SPOCK3: variants seen among roughly 807,000 people sequenced by gnomAD.
SPOCK3 encodes the protein testican-3.
SPOCK3 carries 30 observed loss-of-function variants against 56.6 expected under a neutral mutation model. The ratio of observed to expected loss-of-function variants is 0.53; its 90% CI spans 0.40 to 0.72. SPOCK3 has a LOEUF of 0.72. Ranked by LOEUF, SPOCK3 falls within the 30% of genes least tolerant of loss-of-function variation. The pLI is 0.00. For missense variants in SPOCK3, 527 were observed against 530.0 expected (o/e 0.99, Z 0.06); for synonymous variants, 196 against 183.3 (o/e 1.07, Z -0.56).
intron 2 of SPOCK3, among the ~76,000 whole-genome samples, chr4:167,100,408 T>G (rs1759534060): frequency 6.6e-6 from 1 of 150,468 alleles, no homozygotes; most frequent in African/African-American, 2.4e-5. Context: ...TGTCTCTGTC[T>G]CTCTCTCTCT....
intron 2 of SPOCK3, among the ~76,000 whole-genome samples, chr4:167,109,733 A>C (rs1159285787): frequency 1.3e-5 from 2 of 150,842 alleles, no homozygotes; most frequent in African/African-American, 4.9e-5. Context: ...AATAAAATAG[A>C]ATGAAAAACA....
At chr4:167,055,850 T>C (rs985239544) in intron 3 of SPOCK3, among the ~76,000 whole-genome samples, 18 of 152,212 alleles carry the variant, frequency 1.2e-4, no homozygotes, top group Non-Finnish European at 2.2e-4. Context: ...TGCCTGCCTC[T>C]GTAGGCTCCA....
intron 7 of SPOCK3, among the ~76,000 whole-genome samples, chr4:166,762,962 G>A (rs1020832857): frequency 3.9e-5 from 6 of 151,980 alleles, no homozygotes; most frequent in South Asian, 4.1e-4. Context: ...AAGAATACTC[G>A]AAGTGTGGGG....
At chr4:166,892,005 C>A (rs2127018093) in intron 5 of SPOCK3, among the ~76,000 whole-genome samples, 1 of 151,920 alleles carries the variant, frequency 6.6e-6, no homozygotes, top group South Asian at 2.1e-4. Flanking sequence ...ACATAAAAGC[C>A]TGGCTAATAC....
At chr4:166,912,077 TAATTGGGA>T (rs1737341090) in intron 5 of SPOCK3, among the ~76,000 whole-genome samples, 1 of 152,030 alleles carries the variant, frequency 6.6e-6, no homozygotes, top group Non-Finnish European at 1.5e-5. Flanking sequence ...ATGGGACACT[TAATTGGGA>T]GGAACAACAA....
At chr4:167,048,997 A>G (rs774005224) in intron 3 of SPOCK3, among the ~76,000 whole-genome samples, 7 of 152,176 alleles carry the variant, frequency 4.6e-5, no homozygotes, top group Non-Finnish European at 1.0e-4. Context: ...AAAATCACTT[A>G]GCTTTTTTTC....
intron 2 of SPOCK3, among the ~76,000 whole-genome samples, chr4:167,079,592 C>T (rs1375385004): frequency 6.6e-6 from 1 of 151,254 alleles, no homozygotes; most frequent in Non-Finnish European, 1.5e-5. Context: ...GATTAGATGC[C>T]AAAAACACAT....
At chr4:166,944,241 G>A (rs1026729146) in intron 4 of SPOCK3, among the ~76,000 whole-genome samples, 3 of 151,974 alleles carry the variant, frequency 2.0e-5, no homozygotes, top group East Asian at 1.9e-4. Context: ...ACCTCAAAGG[G>A]AGGGGATTGT....
intron 6 of SPOCK3, among the ~76,000 whole-genome samples, chr4:166,813,844 T>G (rs890553217): frequency 6.6e-6 from 1 of 152,070 alleles, no homozygotes; most frequent in African/African-American, 2.4e-5. Flanking sequence ...GATACTAATT[T>G]GTTATAACAT....
intron 6 of SPOCK3, among the ~76,000 whole-genome samples, chr4:166,885,692 A>G (rs1252908069): frequency 6.6e-6 from 1 of 152,154 alleles, no homozygotes; most frequent in Non-Finnish European, 1.5e-5. Context: ...TACAAGGTGC[A>G]TAAAGAGTAT....
At chr4:167,020,151 A>G (rs1751029959) in intron 3 of SPOCK3, among the ~76,000 whole-genome samples, 1 of 152,124 alleles carries the variant, frequency 6.6e-6, no homozygotes, top group African/African-American at 2.4e-5. Context: ...CATAAAAGAA[A>G]TCTAAAATGT....
intron 5 of SPOCK3, among the ~76,000 whole-genome samples, chr4:166,899,358 C>T (rs984448749): frequency 5.3e-5 from 8 of 151,616 alleles, no homozygotes; most frequent in African/African-American, 1.9e-4. Context: ...ATGCCTAAAG[C>T]TTTTCCTATG....
chr4:167,149,797 TGA>T (rs1446217443), intron 2 of SPOCK3, among the ~76,000 whole-genome samples: 6 of 149,232 alleles, frequency 4.0e-5, no homozygotes, highest in African/African-American at 1.5e-4. Flanking sequence ...GTTCCACATT[TGA>T]GAGATATATA....
At chr4:167,127,850 A>G (rs1359017485) in intron 2 of SPOCK3, among the ~76,000 whole-genome samples, 1 of 152,244 alleles carries the variant, frequency 6.6e-6, no homozygotes, top group Non-Finnish European at 1.5e-5. Context: ...ACTTCTTCAA[A>G]CTTTGGTTTC....
intron 2 of SPOCK3, among the ~76,000 whole-genome samples, chr4:167,070,241 C>G (rs1756544670): frequency 6.6e-6 from 1 of 151,850 alleles, no homozygotes; most frequent in Admixed American, 6.6e-5. Context: ...TACTTTTTCC[C>G]AAGGAGTAGG....
In SPOCK3 at chr4:166,831,222, G is replaced by T. The variant is rs574428112; in HGVS notation, c.590-38933C>A. ...AATTTGTTAAGTCATTTTTGATTTTGCTTATTAATGTTTGTAGCTTTCATT... is the reference window on the plus strand; with the variant it reads ...AATTTGTTAAGTCATTTTTGATTTTTCTTATTAATGTTTGTAGCTTTCATT... On this transcript the variant is annotated intron_variant, in intron 6 of 10. Transcript: ENST00000357545. 4.6e-5 allele frequency among the ~76,000 whole-genome samples: 7 copies of T among 152,192 alleles called. No individual in the cohort carries two copies. The East Asian group carries it at 1.4e-3, about 29-fold the overall frequency.
At chr4:166,914,830 G>T (rs915248947) in intron 4 of SPOCK3, among the ~76,000 whole-genome samples, 2 of 152,078 alleles carry the variant, frequency 1.3e-5, no homozygotes, top group African/African-American at 4.8e-5. Flanking sequence ...CTCTTAAAAA[G>T]TAAAATTGTA....
At chr4:166,800,039 G>A (rs769367845) in intron 6 of SPOCK3, among the ~76,000 whole-genome samples, 18 of 151,642 alleles carry the variant, frequency 1.2e-4, no homozygotes, top group Non-Finnish European at 2.5e-4. Context: ...AAAATTAGCC[G>A]GGCGTGGTGG....
At chr4:166,854,968 G>A (rs991212001) in intron 6 of SPOCK3, among the ~76,000 whole-genome samples, 1 of 152,082 alleles carries the variant, frequency 6.6e-6, no homozygotes, top group Non-Finnish European at 1.5e-5. Context: ...AATCCTCAAA[G>A]TCTCTAACTG....
Sources: allele counts gnomAD v4.1 joint callset (sites outside exome capture counted in the v4.1 genomes callset), GRCh38; gene constraint gnomAD v4.1.1; transcripts MANE v1.5; gene names NCBI Gene and HGNC (gene_info 2026-07-23, HGNC 2026-07-21).